The following CCDC102B variants were observed in gnomAD, a reference collection of about 807,000 sequenced individuals.
CCDC102B encodes coiled-coil domain-containing protein 102B.
CCDC102B carries 75 observed loss-of-function variants against 57.4 expected under a neutral mutation model. That is an observed-to-expected ratio of 1.31 (90% CI 1.08 to 1.58). The LOEUF (loss-of-function observed/expected upper bound fraction) is 1.58, where lower values mean the gene tolerates loss of function less well. Among genes scored for constraint, CCDC102B ranks in the 40% most tolerant of loss-of-function variants. The pLI, the probability that CCDC102B is intolerant of heterozygous loss-of-function variation, is 0.00. For missense variants in CCDC102B, 636 were observed against 582.6 expected (o/e 1.09, Z -0.94); for synonymous variants, 206 against 201.9 (o/e 1.02, Z -0.17).
intron 1 of CCDC102B, among the ~76,000 whole-genome samples, chr18:68,809,400 T>C (rs2036158409): frequency 6.6e-6 from 1 of 152,206 alleles, no homozygotes; most frequent in African/African-American, 2.4e-5. Context: ...GTTTGTGTTA[T>C]AGTTGGTGTT....
intron 1 of CCDC102B, among the ~76,000 whole-genome samples, chr18:68,803,401 GA>G (rs1437006486): frequency 1.3e-5 from 2 of 151,990 alleles, no homozygotes; most frequent in South Asian, 2.1e-4. Flanking sequence ...AGTACTGGAA[GA>G]AAAAAAGAAC....
rs897454459 is a variant in CCDC102B at position 69,032,306 on chromosome 18, A to G, written c.1434+21202A>G. Among the ~76,000 whole-genome samples, 6 of 152,208 alleles carry G rather than the reference A, an allele frequency of 3.9e-5. No homozygotes were observed. In the South Asian group the frequency reaches 1.0e-3, roughly 26 times the overall value. ...ACTTTATTAGTGCTCTCTGCTATTT[A>G]TATCCCCAAAGAGGAAAGTGGGAAA... On this transcript the variant is annotated intron_variant, in intron 7 of 7. Coordinates refer to ENST00000360242, the MANE Select transcript of CCDC102B (RefSeq NM_024781.3).
At chr18:68,805,250 T>G (rs2035992217) in intron 1 of CCDC102B, among the ~76,000 whole-genome samples, 1 of 152,224 alleles carries the variant, frequency 6.6e-6, no homozygotes, top group African/African-American at 2.4e-5. Flanking sequence ...ATGGGATTAT[T>G]CAGTAGAATG....
intron 6 of CCDC102B, among the ~76,000 whole-genome samples, chr18:68,902,000 A>T (rs575529595): frequency 6.6e-6 from 1 of 152,166 alleles, no homozygotes; most frequent in Non-Finnish European, 1.5e-5. Context: ...CTGCACTTCT[A>T]TGAGGCTTCC....
At chr18:69,015,909 C>T (rs1164435566) in intron 7 of CCDC102B, among the ~76,000 whole-genome samples, 1 of 151,996 alleles carries the variant, frequency 6.6e-6, no homozygotes, top group African/African-American at 2.4e-5. Context: ...GGCTGGAGTG[C>T]AGTGGTGTGA....
chr18:68,765,359 AAGAAAGAAAGAAAGAAAGAAAAG>A (rs2034421397), intron 2 of CCDC102B, among the ~76,000 whole-genome samples: 1 of 146,954 alleles, frequency 6.8e-6, no homozygotes, highest in African/African-American at 2.6e-5. Context: ...GAAAGAAAGA[AAGAAAGAAAGAAAGAAAGAAAAG>A]AAAGAAAGAA....
intron 2 of CCDC102B, among the ~76,000 whole-genome samples, chr18:68,719,621 G>C (rs190078812): frequency 6.6e-6 from 1 of 152,034 alleles, no homozygotes; most frequent in African/African-American, 2.4e-5. Context: ...CCAACAAATT[G>C]GGGAGGCCAT....
intron 2 of CCDC102B, among the ~76,000 whole-genome samples, chr18:68,752,509 T>C (rs1214846381): frequency 6.7e-6 from 1 of 149,978 alleles, no homozygotes; most frequent in Non-Finnish European, 1.5e-5. Flanking sequence ...ACAACCAACA[T>C]AGGAAATATG....
chr18:69,048,182 A>G (rs1366847294), intron 7 of CCDC102B, among the ~76,000 whole-genome samples: 1 of 151,884 alleles, frequency 6.6e-6, no homozygotes, highest in Admixed American at 6.6e-5. Context: ...AACTGTCCTA[A>G]GTACTGGCAC....
At chr18:68,716,381 T>G (rs562203734) in intron 1 of CCDC102B, 1 of 152,304 alleles carries the variant, frequency 6.6e-6, no homozygotes, top group East Asian at 1.9e-4. Flanking sequence ...CGTTACAGTT[T>G]AAGTTCACAT....
In CCDC102B at chr18:69,047,618, G is replaced by A. The variant is rs140559699; in HGVS notation, c.1435-6412G>A. ...GAGACTATCCCTGTTTGCAGATGAC[G>A]TGATTCTATATCTAAAAAAACCTCA... is the stretch of plus-strand genomic sequence containing the variant. On this transcript the variant is annotated intron_variant, in intron 7 of 7. Coordinates refer to ENST00000360242, the MANE Select transcript of CCDC102B (RefSeq NM_024781.3). Among the ~76,000 whole-genome samples, 847 of 152,126 alleles carry A rather than the reference G, an allele frequency of 5.6e-3. 21 individuals are homozygous for A. The highest frequency in any genetic ancestry group is 0.045 in the Admixed American group (692 of 15,236).
At chr18:68,828,092 G>A (rs561195513) in intron 1 of CCDC102B, among the ~76,000 whole-genome samples, 44 of 151,720 alleles carry the variant, frequency 2.9e-4, no homozygotes, top group African/African-American at 1.0e-3. Context: ...AACAGGTAGG[G>A]CTGAAAAGAG....
intron 2 of CCDC102B, among the ~76,000 whole-genome samples, chr18:68,785,956 T>A (rs553020780): frequency 2.0e-5 from 3 of 152,086 alleles, no homozygotes; most frequent in African/African-American, 7.2e-5. Flanking sequence ...GTTTTTATGG[T>A]TTTAGGTCTA....
intron 6 of CCDC102B, among the ~76,000 whole-genome samples, chr18:68,975,842 CT>C (rs1367887472): frequency 6.7e-6 from 1 of 149,900 alleles, no homozygotes; most frequent in Non-Finnish European, 1.5e-5. Flanking sequence ...AGTAGTGCCA[CT>C]TTCATTTAAA....
intron 2 of CCDC102B, among the ~76,000 whole-genome samples, chr18:68,748,626 G>A (rs191512044): frequency 3.3e-4 from 50 of 152,218 alleles, no homozygotes; most frequent in African/African-American, 9.4e-4. Context: ...ATATGTTCTG[G>A]AGTCATTCCT....
chr18:68,814,692 T>G (rs966142892), intron 1 of CCDC102B, among the ~76,000 whole-genome samples: 3 of 152,126 alleles, frequency 2.0e-5, no homozygotes, highest in African/African-American at 7.2e-5. Context: ...TCTTAATGTT[T>G]AGAAATAATA....
chr18:68,892,772 A>C (rs2040124170), intron 5 of CCDC102B, among the ~76,000 whole-genome samples: 3 of 152,216 alleles, frequency 2.0e-5, no homozygotes, highest in Admixed American at 2.0e-4. Context: ...AAATAAATTC[A>C]ATGTAATTTA....
intron 6 of CCDC102B, among the ~76,000 whole-genome samples, chr18:68,952,345 A>G (rs2145199363): frequency 6.6e-6 from 1 of 152,252 alleles, no homozygotes; most frequent in South Asian, 2.1e-4. Flanking sequence ...CATATTGGAA[A>G]CTGTAAGTTG....
At chr18:68,748,156 GTCT>G (rs1468541501) in intron 2 of CCDC102B, among the ~76,000 whole-genome samples, 2 of 149,820 alleles carry the variant, frequency 1.3e-5, no homozygotes, top group Non-Finnish European at 3.0e-5. Flanking sequence ...CCATTTATAT[GTCT>G]TCTTTGGAGA....
Sources: gnomAD v4.1 joint callset for allele counts (sites outside exome capture counted in the v4.1 genomes callset) on GRCh38, gnomAD v4.1.1 for gene constraint, MANE v1.5 for transcripts, NCBI Gene and HGNC (gene_info 2026-07-23, HGNC 2026-07-21) for gene names.